The following ZNF549 variants were observed in gnomAD, a reference collection of about 807,000 sequenced individuals.
ZNF549 encodes zinc finger protein 549.
A neutral mutation model predicts 11.1 loss-of-function variants in ZNF549; 11 were observed. The observed-to-expected ratio is 0.99, with a 90% CI of 0.62 to 1.64. ZNF549 has a LOEUF of 1.64. Among genes scored for constraint, ZNF549 ranks in the 40% most tolerant of loss-of-function variants. ZNF549 has a pLI of 0.00. For missense variants in ZNF549, 748 were observed against 765.1 expected, an observed-to-expected ratio of 0.98 and a Z score of 0.26; for synonymous variants, 266 against 269.1, an observed-to-expected ratio of 0.99 and a Z score of 0.11.
At chr19:57,535,464 TTTTAG>T (rs1173724811) in intron 3 of ZNF549, 194 bp downstream of exon 3, 1 of 688,720 alleles carries the variant, frequency 1.5e-6, no homozygotes, top group Admixed American at 2.9e-5. Flanking sequence ...TCCTGAAGCC[TTTTAG>T]TTAAGAGTTT....
rs766486176 is a variant in ZNF549 at position 57,538,817 on chromosome 19, C to T, written c.1813C>T (p.Arg605Ter). ...TAAAAACAAACTTGTTGAGCATCAG[C>T]GAATCCACACCGGAGAAAAGCCGTA... Reference protein sequence around the residue: ...IYKNKLVEHQRIHTGEKPYEC... With the variant: ...IYKNKLVEHQ The change falls in exon 4 of 4, where the codon CGA becomes TGA. Residue 605 changes from arginine to a stop codon, truncating the protein, a stop_gained. Coordinates refer to ENST00000376233, the MANE Select transcript of ZNF549 (RefSeq NM_001199295.2). LOFTEE classifies it low-confidence loss of function (END_TRUNC). 3.8e-5 allele frequency: 61 copies of T among 1,613,650 alleles called. No homozygotes were observed. Among genetic ancestry groups the T allele is most frequent in the South Asian group, 4.4e-5 (4 of 91,054 alleles).
chr19:57,531,726 G>A (rs2089904958), intron 2 of ZNF549, among the ~76,000 whole-genome samples: 1 of 152,224 alleles, frequency 6.6e-6, no homozygotes, highest in South Asian at 2.1e-4. Flanking sequence ...GTGATTAACA[G>A]GCAGGTAGTG....
rs2089945551 is a variant in ZNF549, at chr19:57,539,466, A to G, written c.*539A>G. The G allele has an allele frequency of 6.5e-6, 1 of 152,984 alleles. No homozygotes were observed. The highest frequency in any genetic ancestry group is 2.1e-4 in the South Asian group (1 of 4,876). The allele number at this position is 152,984 out of a possible 1,614,324, so 9.5% of individuals were successfully genotyped here. On this transcript the variant is annotated 3_prime_UTR_variant, in exon 4 of 4. Transcript: ENST00000376233. ...TGTGCTCTGCCAGTGTGAAGGGTGAACAGCTCCAACTTTATGTCCCCCCAG... is the reference window on the plus strand; with the variant it reads ...TGTGCTCTGCCAGTGTGAAGGGTGAGCAGCTCCAACTTTATGTCCCCCCAG...
intron 1 of ZNF549, among the ~76,000 whole-genome samples, chr19:57,529,604 T>A (rs1298995465): frequency 6.6e-6 from 1 of 152,208 alleles, no homozygotes; most frequent in Non-Finnish European, 1.5e-5. Flanking sequence ...TGGTGCACTG[T>A]TGGCCAGCGC....
At position 57,529,682 on chromosome 19, in the gene ZNF549, C is replaced by T. The variant is rs555673011; in HGVS notation, c.34-1388C>T. On this transcript the variant is annotated intron_variant, in intron 1 of 3. Coordinates refer to ENST00000376233, the MANE Select transcript of ZNF549 (RefSeq NM_001199295.2). ...CAGGCAGATCACAAGGTCAGGAGAT[C>T]GAGACCATCCTGGCTAACATGGTGA... is the stretch of plus-strand genomic sequence containing the variant. 2.3e-3 allele frequency among the ~76,000 whole-genome samples: 357 copies of T among 152,082 alleles called. 1 individual carries two copies. Among genetic ancestry groups the T allele is most frequent in the Non-Finnish European group, 4.0e-3 (271 of 67,984 alleles).
rs1474506064 is a variant in ZNF549 at position 57,527,593 on chromosome 19, T to G, written c.20T>G (p.Val7Gly). 2 of 1,613,788 alleles carry G rather than the reference T, an allele frequency of 1.2e-6. No individual in the cohort carries two copies. Among genetic ancestry groups the G allele is most frequent in the Non-Finnish European group, 1.7e-6 (2 of 1,179,948 alleles). Residue 7 changes from valine to glycine, a missense_variant, in exon 1 of 4, where the codon GTG becomes GGG. Physicochemically the swap from Val to Gly is moderately radical, Grantham distance 109 (BLOSUM62 -3). Coordinates refer to ENST00000376233, the MANE Select transcript of ZNF549 (RefSeq NM_001199295.2). MAEAAL[V>G]ITPQIPMVTE... ...AGTCCCATGGCCGAGGCAGCGCTAG[T>G]GATTACGCCGCAGGTGAGAGCGGAG...
In ZNF549 at chr19:57,538,288, C is replaced by CA. The variant is rs765848473; in HGVS notation, c.1291dup (p.Arg431LysfsTer4). 2.4e-5 allele frequency: 39 copies of CA among 1,612,674 alleles called. No individual in the cohort carries two copies. Among genetic ancestry groups the CA allele is most frequent in the Admixed American group, 1.0e-4 (6 of 59,838 alleles). On this transcript the variant is annotated frameshift_variant, in exon 4 of 4. Coordinates refer to ENST00000376233, the MANE Select transcript of ZNF549 (RefSeq NM_001199295.2). LOFTEE classifies it low-confidence loss of function (END_TRUNC). ...AAGAATGTGGGAAGGCCTTCATTCA[C>CA]AAAAAAAGACTTCTTGAGCACCAGA...
At chr19:57,535,822 C>A (rs73056477) in intron 3 of ZNF549, among the ~76,000 whole-genome samples, 2,901 of 152,190 alleles carry the variant, frequency 0.019, 36 homozygotes, top group South Asian at 0.041. Flanking sequence ...CCCAGATAGT[C>A]TCCTGACTTA....
In ZNF549 at chr19:57,528,577, G is replaced by C. The variant is rs183259941; in HGVS notation, c.33+971G>C. On this transcript the variant is annotated intron_variant, in intron 1 of 3. Transcript: ENST00000376233. ...TTGGCGAAGCTGCCTGCAGATAGGA[G>C]GGCCATGGGGTTCCGGGGGTACTTC... 4.6e-4 allele frequency among the ~76,000 whole-genome samples: 70 copies of C among 152,348 alleles called. 1 individual carries two copies. The highest frequency in any genetic ancestry group is 4.0e-4 in the Non-Finnish European group (27 of 68,032).
In ZNF549 at chr19:57,539,014, C is replaced by A; in HGVS notation, c.*87C>A. The A allele has an allele frequency of 7.2e-7, 1 of 1,398,214 alleles. No homozygotes were observed. The highest frequency in any genetic ancestry group is 9.6e-7 in the Non-Finnish European group (1 of 1,038,366). The allele number at this position is 1,398,214 out of a possible 1,614,324, so 86.6% of individuals were successfully genotyped here. On this transcript the variant is annotated 3_prime_UTR_variant, in exon 4 of 4. Transcript: ENST00000376233. ...GGGATCCAACAGACAGAAATTCACC[C>A]TCATACATCTGCATATCACTAGTTG...
chr19:57,538,572 A>T lies in ZNF549; in HGVS notation c.1568A>T (p.His523Leu). ...EVKLLQHQRIHTREQLCECNE... is the reference protein window; with the variant it reads ...EVKLLQHQRILTREQLCECNE... ...AAACTTCTTCAGCACCAAAGAATCC[A>T]TACTAGAGAACAACTTTGTGAGTGC... The change falls in exon 4 of 4, where the codon CAT (histidine) becomes CTT (leucine). Residue 523 changes from histidine (H) to leucine (L), a missense_variant. Physicochemically the swap from His to Leu is moderately conservative, Grantham distance 99. Coordinates refer to ENST00000376233, the MANE Select transcript of ZNF549 (RefSeq NM_001199295.2). 1 of 1,614,226 alleles carries T rather than the reference A, an allele frequency of 6.2e-7. No individual in the cohort carries two copies. The highest frequency in any genetic ancestry group is 8.5e-7 in the Non-Finnish European group (1 of 1,180,038).
chr19:57,527,846 G>T (rs2089885676), intron 1 of ZNF549, among the ~76,000 whole-genome samples: 1 of 152,208 alleles, frequency 6.6e-6, no homozygotes, highest in Non-Finnish European at 1.5e-5. Context: ...GGGCGGACCT[G>T]TGTCTGCAGG....
chr19:57,532,227 A>C (rs1226679632), intron 2 of ZNF549, among the ~76,000 whole-genome samples: 1 of 152,200 alleles, frequency 6.6e-6, no homozygotes, highest in African/African-American at 2.4e-5. Context: ...GATGTGTTTT[A>C]TAACTGTGTA....
At position 57,537,712 on chromosome 19, in the gene ZNF549, G is replaced by A. The variant is rs140693522; in HGVS notation, c.708G>A (p.Glu236=). Residue 236 remains glutamate, a synonymous_variant, in exon 4 of 4, where the codon GAG becomes GAA. Transcript: ENST00000376233. ...QVFNEKVHVT[E]HQRVHTGEKA... is the part of the protein sequence containing the mutation. ...TCAATGAGAAAGTTCATGTTACTGA[G>A]CATCAGAGAGTCCACACTGGAGAAA... The A allele has an allele frequency of 7.4e-6, 12 of 1,614,012 alleles. No individual in the cohort carries two copies. The African/African-American group carries it at 9.3e-5, about 13-fold the overall frequency.
chr19:57,537,451 G>C lies in ZNF549; in HGVS notation c.447G>C (p.Gln149His), dbSNP rs1469842630. 1 of 1,614,222 alleles carries C rather than the reference G, an allele frequency of 6.2e-7. No individual in the cohort carries two copies. Among genetic ancestry groups the C allele is most frequent in the Admixed American group, 1.7e-5 (1 of 60,030 alleles). ...TTTCATTTGGTTCTAACCTGCAACAGCACCAGAACCAGGACAGTGGAGAGA... is the reference window on the plus strand; with the variant it reads ...TTTCATTTGGTTCTAACCTGCAACACCACCAGAACCAGGACAGTGGAGAGA... ...KWFSFGSNLQ[Q>H]HQNQDSGEKH... The change falls in exon 4 of 4, where the codon CAG becomes CAC. Residue 149 changes from glutamine (Q) to histidine (H), a missense_variant. Coordinates refer to ENST00000376233, the MANE Select transcript of ZNF549 (RefSeq NM_001199295.2).
In ZNF549 at chr19:57,537,335, C is replaced by T; in HGVS notation, c.331C>T (p.Leu111=). The change falls in exon 4 of 4, where the codon CTG becomes TTG. Residue 111 remains leucine (L), a synonymous_variant. Coordinates refer to ENST00000376233, the MANE Select transcript of ZNF549 (RefSeq NM_001199295.2). ...PNAHSCEMCI[L]VMKDILYLSE... ...TGCTCATTCTTGTGAGATGTGTATC[C>T]TGGTCATGAAAGACATTTTGTACCT... The T allele has an allele frequency of 6.2e-7, 1 of 1,614,186 alleles. No individual in the cohort carries two copies. The highest frequency in any genetic ancestry group is 1.3e-5 in the African/African-American group (1 of 75,026).
Position 57,527,416 on chromosome 19 carries a change from C to G in ZNF549, c.-158C>G, listed in dbSNP as rs1352855429. Reference sequence around the variant, plus strand: ...CGTTTCCGGCTCGCTGGGTCCGGGCCAGGTAACTGGAGCCGGAAACCGGTG... The same window carrying G: ...CGTTTCCGGCTCGCTGGGTCCGGGCGAGGTAACTGGAGCCGGAAACCGGTG... On this transcript the variant is annotated 5_prime_UTR_variant, in exon 1 of 4. Coordinates refer to ENST00000376233, the MANE Select transcript of ZNF549 (RefSeq NM_001199295.2). 3 of 1,075,256 alleles carry G rather than the reference C, an allele frequency of 2.8e-6. No individual in the cohort carries two copies. The highest frequency in any genetic ancestry group is 4.1e-6 in the Non-Finnish European group (3 of 729,080). 66.6% of individuals were successfully genotyped at this position (1,075,256 alleles called of 1,614,324 possible).
At chr19:57,530,383 A>G (rs963457648) in intron 1 of ZNF549, among the ~76,000 whole-genome samples, 1 of 152,226 alleles carries the variant, frequency 6.6e-6, no homozygotes, top group Non-Finnish European at 1.5e-5. Flanking sequence ...TGCCATATGC[A>G]TCGCTTCCAT....
intron 3 of ZNF549, among the ~76,000 whole-genome samples, chr19:57,536,365 C>T (rs1427174852): frequency 6.6e-6 from 1 of 152,164 alleles, no homozygotes; most frequent in Non-Finnish European, 1.5e-5. Flanking sequence ...AGAGCTGCAG[C>T]TTGCTACCAC....
Sources: gnomAD v4.1 joint callset for allele counts (sites outside exome capture counted in the v4.1 genomes callset) on GRCh38, gnomAD v4.1.1 for gene constraint, MANE v1.5 for transcripts, NCBI Gene and HGNC (gene_info 2026-07-23, HGNC 2026-07-21) for gene names.